TAF6: variants seen among roughly 807,000 people sequenced by gnomAD.
TAF6 encodes the protein TATA-box binding protein associated factor 6.
In TAF6, 50 loss-of-function variants were observed where a neutral mutation model predicts 73.5. The observed-to-expected ratio is 0.68, with a 90% CI of 0.54 to 0.86. TAF6 has a LOEUF of 0.86. Ranked by LOEUF, TAF6 falls within the 40% of genes least tolerant of loss-of-function variation. The pLI is 0.00. For missense variants in TAF6, 768 were observed against 899.5 expected (o/e 0.85, Z 1.87); for synonymous variants, 424 against 376.7 (o/e 1.13, Z -1.45).
Position 100,108,089 on chromosome 7 carries a change from T to C in TAF6, c.1493A>G (p.Gln498Arg). Residue 498 changes from glutamine to arginine, a missense_variant, in exon 14 of 15, where the codon CAG becomes CGG. Physicochemically the swap from Gln to Arg is conservative, Grantham distance 43. Coordinates refer to ENST00000453269, the MANE Select transcript of TAF6 (RefSeq NM_139315.3). ...RPTLTLSQAP[Q>R]PGPRTPGLLK... ...CAAGCCAGGGGTGCGAGGGCCAGGC[T>C]GTGGGGCCTGCGAGAGGGTCAGCGT... The C allele has an allele frequency of 6.2e-7, 1 of 1,609,494 alleles. No individual in the cohort carries two copies. The highest frequency in any genetic ancestry group is 8.5e-7 in the Non-Finnish European group (1 of 1,178,814).
At chr7:100,114,495 G>A (rs144712033) in intron 1 of TAF6, 236 of 607,822 alleles carry the variant, frequency 3.9e-4, no homozygotes, top group African/African-American at 3.2e-3. Context: ...CGAGGCGGGC[G>A]GATCACTTGA....
chr7:100,110,382 T>G, intron 10 of TAF6, 108 bp from the exon 11 acceptor site: 1 of 1,292,012 alleles, frequency 7.7e-7, no homozygotes, highest in South Asian at 1.2e-5. Context: ...GACATTACAA[T>G]GAGGCCAGAC....
chr7:100,124,919 G>A, the TAF6 span: 2 of 1,552,248 alleles, frequency 1.3e-6, no homozygotes, highest in African/African-American at 1.4e-5. Flanking sequence ...GGAGGGGAAG[G>A]GATCATGGAG....
rs762830750 is a variant in TAF6 at position 100,110,048 on chromosome 7, C to T, written c.1184G>A (p.Arg395Gln). 1.7e-5 allele frequency: 28 copies of T among 1,613,894 alleles called. No individual in the cohort carries two copies. Among genetic ancestry groups the T allele is most frequent in the South Asian group, 1.4e-4 (13 of 91,074 alleles). ...HDVIKTLILP[R>Q]LQQEGERIRS... ...GATCCGCTCCCCTTCCTGCTGCAGCCGGGGCAGAATCAGAGTCTTGATAAC... is the reference window on the plus strand; with the variant it reads ...GATCCGCTCCCCTTCCTGCTGCAGCTGGGGCAGAATCAGAGTCTTGATAAC... Residue 395 changes from arginine (R) to glutamine (Q), a missense_variant, in exon 12 of 15, where the codon CGG (arginine) becomes CAG (glutamine). This residue lies in a region of TAF6 where 69 missense variants were observed against 105.4 expected (regional missense o/e 0.65). Transcript: ENST00000453269.
chr7:100,111,204 T>G lies in TAF6; in HGVS notation c.1018A>C (p.Ile340Leu). The G allele has an allele frequency of 6.2e-7, 1 of 1,614,220 alleles. No individual in the cohort carries two copies. Among genetic ancestry groups the G allele is most frequent in the Non-Finnish European group, 8.5e-7 (1 of 1,180,046 alleles). The change falls in exon 10 of 15, where the codon ATC becomes CTC. Residue 340 changes from isoleucine (I) to leucine (L), a missense_variant. This residue lies in a region of TAF6 where 69 missense variants were observed against 105.4 expected (regional missense o/e 0.65). Coordinates refer to ENST00000453269, the MANE Select transcript of TAF6 (RefSeq NM_139315.3). ...RDFAARLVAQ[I>L]CKHFSTTTNN... Reference sequence around the variant, plus strand: ...GTGGTTGTGCTAAAATGCTTGCAGATCTGGGCCACCAGGCGGGCAGCAAAG... The same window carrying G: ...GTGGTTGTGCTAAAATGCTTGCAGAGCTGGGCCACCAGGCGGGCAGCAAAG...
upstream of TAF6, chr7:100,122,321 G>T (rs750265469): frequency 3.1e-6 from 5 of 1,614,062 alleles, no homozygotes; most frequent in African/African-American, 6.7e-5. Flanking sequence ...ATCTCGAGAG[G>T]TGCTGGAGCT....
Position 100,107,394 on chromosome 7 carries a change from G to A in TAF6, c.1886C>T (p.Pro629Leu). The A allele has an allele frequency of 6.3e-7, 1 of 1,599,118 alleles. No individual in the cohort carries two copies. The highest frequency in any genetic ancestry group is 8.5e-7 in the Non-Finnish European group (1 of 1,170,648). Residue 629 changes from proline to leucine, a missense_variant, in exon 15 of 15, where the codon CCT becomes CTT. Coordinates refer to ENST00000453269, the MANE Select transcript of TAF6 (RefSeq NM_139315.3). ...TGGGGACGGGGACGATGCCGGGGGA[G>A]GAACTGGAGAAGGATGGGAGGTGGG... is the stretch of plus-strand genomic sequence containing the variant. ...GGPTSHPSPV[P>L]PPASSPSPLS...
chr7:100,110,246 G>A lies in TAF6; in HGVS notation c.1112C>T (p.Thr371Met), dbSNP rs1562924309. The change falls in exon 11 of 15, where the codon ACG becomes ATG. Residue 371 changes from threonine to methionine, a missense_variant. Thr to Met is a moderately conservative substitution (Grantham distance 81, BLOSUM62 -1). This residue lies in a region of TAF6 where 69 missense variants were observed against 105.4 expected (regional missense o/e 0.65). Coordinates refer to ENST00000453269, the MANE Select transcript of TAF6 (RefSeq NM_139315.3). ...GCCTGCGATGGAGCCATAACGAGTCGTCCAGGGCGTCTTCTCGTCCACCCA... is the reference window on the plus strand; with the variant it reads ...GCCTGCGATGGAGCCATAACGAGTCATCCAGGGCGTCTTCTCGTCCACCCA... ...KSWVDEKTPW[T>M]TRYGSIAGLA... 1.2e-6 allele frequency: 2 copies of A among 1,614,104 alleles called. No homozygotes were observed. Among genetic ancestry groups the A allele is most frequent in the South Asian group, 1.1e-5 (1 of 91,084 alleles).
At chr7:100,117,190 G>C (rs184946528) in intron 1 of TAF6, among the ~76,000 whole-genome samples, 5 of 151,678 alleles carry the variant, frequency 3.3e-5, no homozygotes, top group African/African-American at 1.2e-4. Flanking sequence ...AGGTTGCAGT[G>C]AGTAGAGGTT....
At chr7:100,114,472 C>T in intron 1 of TAF6, 1 of 625,064 alleles carries the variant, frequency 1.6e-6, no homozygotes, top group South Asian at 1.9e-5. Context: ...ATCCCACCAG[C>T]ACTTTGGGAG....
At chr7:100,116,626 C>G (rs1233361245) in intron 1 of TAF6, 1 of 151,876 alleles carries the variant, frequency 6.6e-6, no homozygotes, top group East Asian at 1.9e-4. Flanking sequence ...GGCAACAAAG[C>G]AAGACTTCTT....
chr7:100,119,921 C>T, upstream of TAF6: 2 of 1,482,218 alleles, frequency 1.3e-6, no homozygotes, highest in Non-Finnish European at 1.8e-6. Flanking sequence ...TCTTCTAGGC[C>T]GGACATCCTA....
chr7:100,126,524 G>GTGGCTCACACCTGTAATCC, the TAF6 span, among the ~76,000 whole-genome samples: 30 of 152,230 alleles, frequency 2.0e-4, no homozygotes, highest in East Asian at 5.6e-3. Context: ...ACCAGGCGCG[G>GTGGCTCACACCTGTAATCC]TGGCTCACAC....
chr7:100,122,362 G>T (rs1408656696), upstream of TAF6: 3 of 1,614,164 alleles, frequency 1.9e-6, no homozygotes, highest in East Asian at 2.2e-5. Flanking sequence ...GCAAGAGGAA[G>T]AGACACGTGC....
chr7:100,119,614 G>A, upstream of TAF6: 1 of 1,575,952 alleles, frequency 6.3e-7, no homozygotes. Flanking sequence ...TTGTTGGGCT[G>A]ATCCTGCGCA....
At chr7:100,122,884 A>G, upstream of TAF6, 2 of 1,613,482 alleles carry the variant, frequency 1.2e-6, no homozygotes, top group Non-Finnish European at 1.7e-6. Flanking sequence ...CCCAGCGTGG[A>G]GGTCACATAC....
chr7:100,107,673 C>A (rs551239985), intron 14 of TAF6, 50 bp from the exon 15 acceptor site: 3 of 1,591,882 alleles, frequency 1.9e-6, no homozygotes, highest in African/African-American at 2.7e-5. Context: ...TCCCTGCCCC[C>A]CAGAGGCCTG....
At chr7:100,117,623 A>T (rs887436067) in intron 1 of TAF6, among the ~76,000 whole-genome samples, 2 of 151,894 alleles carry the variant, frequency 1.3e-5, no homozygotes, top group African/African-American at 4.8e-5. Context: ...CCAGCCTGGG[A>T]CATCATAAAT....
rs1461216807 is a variant in TAF6 at position 100,119,319 on chromosome 7, C to A, written c.-175G>T. The stretch of plus-strand genomic sequence containing the variant: ...AGGAAAACTCTAGCGGCAGCCGAGA[C>A]GCTGCTCACCCGGCGCTCGGCGCCA... On this transcript the variant is annotated 5_prime_UTR_variant, in exon 1 of 15. Coordinates refer to ENST00000453269, the MANE Select transcript of TAF6 (RefSeq NM_139315.3). The A allele has an allele frequency of 3.9e-6, 4 of 1,032,326 alleles. No homozygotes were observed. The highest frequency in any genetic ancestry group is 4.7e-6 in the Non-Finnish European group (4 of 857,980). 63.9% of individuals were successfully genotyped at this position (1,032,326 alleles called of 1,614,324 possible).
Sources: allele counts gnomAD v4.1 joint callset (sites outside exome capture counted in the v4.1 genomes callset), GRCh38; gene constraint gnomAD v4.1.1; regional missense constraint gnomAD v4.1.1; transcripts MANE v1.5; gene names NCBI Gene and HGNC (gene_info 2026-07-23, HGNC 2026-07-21).